The following ALK variants were observed in gnomAD, a reference collection of about 807,000 sequenced individuals.
ALK encodes ALK receptor tyrosine kinase.
In ALK, 74 loss-of-function variants were observed where a neutral mutation model predicts 163.1. The ratio of observed to expected loss-of-function variants is 0.45; its 90% CI spans 0.38 to 0.55. The LOEUF (loss-of-function observed/expected upper bound fraction) is 0.55, where lower values mean the gene tolerates loss of function less well. Among genes scored for constraint, ALK ranks in the 20% least tolerant of loss-of-function variants. The pLI, the probability that ALK is intolerant of heterozygous loss-of-function variation, is 0.00. For synonymous variants in ALK, 960 were observed against 843.2 expected, an observed-to-expected ratio of 1.14 and a Z score of -2.40; for missense variants, 2,063 against 2,105.3, an observed-to-expected ratio of 0.98 and a Z score of 0.39.
chr2:29,220,937 A>C (rs1040148355), intron 22 of ALK, 102 bp from the exon 23 acceptor site: 252 of 1,524,872 alleles, frequency 1.7e-4, no homozygotes, highest in Non-Finnish European at 2.2e-4. Context: ...CAGCAGCTAC[A>C]ATGTATAAAG....
At chr2:29,590,373 A>T (rs1312609250) in intron 3 of ALK, among the ~76,000 whole-genome samples, 1 of 152,288 alleles carries the variant, frequency 6.6e-6, no homozygotes, top group Non-Finnish European at 1.5e-5. Flanking sequence ...AGGTTAAAAA[A>T]ATTTTTTACC....
chr2:29,319,520 G>T (rs1666943570), intron 7 of ALK, among the ~76,000 whole-genome samples: 3 of 152,180 alleles, frequency 2.0e-5, no homozygotes, highest in African/African-American at 7.2e-5. Flanking sequence ...TGCCTTGGTG[G>T]GAGAGGGGGT....
chr2:29,655,937 C>T (rs573793801), intron 3 of ALK, among the ~76,000 whole-genome samples: 1 of 152,148 alleles, frequency 6.6e-6, no homozygotes, highest in Non-Finnish European at 1.5e-5. Context: ...AGAAGAGCTG[C>T]TGTGCTACTA....
chr2:29,318,495 C>G (rs904708225), intron 7 of ALK, 91 bp from the exon 8 acceptor site: 1 of 891,920 alleles, frequency 1.1e-6, no homozygotes, highest in Non-Finnish European at 1.9e-6. Flanking sequence ...CAGTTCTTAT[C>G]TAGCCTAGGG....
intron 5 of ALK, among the ~76,000 whole-genome samples, chr2:29,359,320 C>A (rs1277780525): frequency 1.3e-5 from 2 of 152,188 alleles, no homozygotes; most frequent in South Asian, 4.1e-4. Flanking sequence ...CTCCTCCATA[C>A]TTCTGGGTCC....
intron 8 of ALK, 88 bp downstream of exon 8, chr2:29,318,216 C>G (rs913204561): frequency 8.9e-7 from 1 of 1,123,680 alleles, no homozygotes; most frequent in Middle Eastern, 2.0e-4. Context: ...ACCAGCCCAG[C>G]CAGCTAGGCT....
At chr2:29,513,723 T>C (rs1395316611) in intron 4 of ALK, among the ~76,000 whole-genome samples, 1 of 149,534 alleles carries the variant, frequency 6.7e-6, no homozygotes, top group African/African-American at 2.5e-5. Context: ...ACCCACAAAA[T>C]GGGAGAAAAT....
chr2:29,554,630 A>G (rs1222098693), intron 3 of ALK, among the ~76,000 whole-genome samples: 1 of 152,196 alleles, frequency 6.6e-6, no homozygotes, highest in African/African-American at 2.4e-5. Context: ...TTTGGTGGCA[A>G]TAAATGGCTG....
intron 1 of ALK, among the ~76,000 whole-genome samples, chr2:29,802,998 G>T (rs891439252): frequency 6.6e-6 from 1 of 152,076 alleles, no homozygotes; most frequent in East Asian, 1.9e-4. Flanking sequence ...AAAAATAACA[G>T]AACTTTTAAA....
At chr2:29,699,834 G>C (rs543144534) in intron 2 of ALK, among the ~76,000 whole-genome samples, 2 of 152,212 alleles carry the variant, frequency 1.3e-5, no homozygotes, top group African/African-American at 2.4e-5. Context: ...ATGGAAGAAA[G>C]GTAAGGTAAT....
At chr2:29,484,943 T>G (rs1671745302) in intron 4 of ALK, among the ~76,000 whole-genome samples, 1 of 152,212 alleles carries the variant, frequency 6.6e-6, no homozygotes, top group African/African-American at 2.4e-5. Flanking sequence ...TAAAAAATAT[T>G]CTACTAGCTT....
chr2:29,638,213 T>C (rs1316708901), intron 3 of ALK, among the ~76,000 whole-genome samples: 1 of 152,190 alleles, frequency 6.6e-6, no homozygotes, highest in African/African-American at 2.4e-5. Flanking sequence ...TGCATGACCA[T>C]GGGGACCTGC....
At chr2:29,778,318 A>G (rs1194822484) in intron 1 of ALK, among the ~76,000 whole-genome samples, 4 of 152,200 alleles carry the variant, frequency 2.6e-5, no homozygotes, top group Non-Finnish European at 4.4e-5. Flanking sequence ...ATATGTGAGG[A>G]TAAAAGACTG....
chr2:29,832,942 T>C (rs1438583993), intron 1 of ALK, among the ~76,000 whole-genome samples: 1 of 152,146 alleles, frequency 6.6e-6, no homozygotes, highest in Non-Finnish European at 1.5e-5. Context: ...CTCTAAAGTA[T>C]GTGTAGGGAT....
At chr2:29,779,147 C>T (rs1223094607) in intron 1 of ALK, among the ~76,000 whole-genome samples, 2 of 151,276 alleles carry the variant, frequency 1.3e-5, no homozygotes, top group South Asian at 2.1e-4. Flanking sequence ...CAGAGCAAGA[C>T]GCCGTCTAAA....
In ALK at chr2:29,313,054, G is replaced by A. The variant is rs575734352; in HGVS notation, c.1647+5250C>T. ...TGGTCCCCAACTATTTACAAGAAGG[G>A]TTTTACAAACACCACAAAGTGTAGC... is the stretch of plus-strand genomic sequence containing the variant. On this transcript the variant is annotated intron_variant, in intron 8 of 28. Coordinates refer to ENST00000389048, the MANE Select transcript of ALK (RefSeq NM_004304.5). Among the ~76,000 whole-genome samples, 5 of 152,272 alleles carry A rather than the reference G, an allele frequency of 3.3e-5. No individual in the cohort carries two copies. In the East Asian group the frequency reaches 9.7e-4, roughly 29 times the overall value.
intron 3 of ALK, among the ~76,000 whole-genome samples, chr2:29,547,869 T>C (rs1238409665): frequency 6.6e-6 from 1 of 152,210 alleles, no homozygotes; most frequent in African/African-American, 2.4e-5. Context: ...AATAAACATA[T>C]AGAACACCCA....
At chr2:29,444,528 G>A (rs1024359231) in intron 4 of ALK, among the ~76,000 whole-genome samples, 12 of 152,100 alleles carry the variant, frequency 7.9e-5, no homozygotes, top group Non-Finnish European at 4.4e-5. Context: ...CCAGGGCTGC[G>A]TTATGACTTT....
At chr2:29,736,745 G>A (rs1219715982) in intron 1 of ALK, among the ~76,000 whole-genome samples, 1 of 151,838 alleles carries the variant, frequency 6.6e-6, no homozygotes, top group East Asian at 1.9e-4. Flanking sequence ...TCAATGACAA[G>A]ACATAGAAAA....
Sources: gnomAD v4.1 joint callset for allele counts (sites outside exome capture counted in the v4.1 genomes callset) on GRCh38, gnomAD v4.1.1 for gene constraint, MANE v1.5 for transcripts, NCBI Gene and HGNC (gene_info 2026-07-23, HGNC 2026-07-21) for gene names.